The following HSD17B12 variants were observed in gnomAD, a reference collection of about 807,000 sequenced individuals.
The protein encoded by HSD17B12 is hydroxysteroid 17-beta dehydrogenase 12, also known as very-long-chain 3-oxoacyl-CoA reductase.
Under a neutral mutation model 39.3 loss-of-function variants are expected in HSD17B12, and 32 were observed. The observed-to-expected ratio is 0.81, with a 90% CI of 0.61 to 1.09. The LOEUF (loss-of-function observed/expected upper bound fraction) is 1.09, where lower values mean the gene tolerates loss of function less well. Among genes scored for constraint, HSD17B12 ranks in the 50% least tolerant of loss-of-function variants. The probability of loss-of-function intolerance (pLI) is 0.00; values close to 1 mark genes in which losing one functional copy is unlikely to be tolerated. For missense variants in HSD17B12, 342 were observed against 382.9 expected (o/e 0.89, Z 0.89); for synonymous variants, 150 against 146.7 (o/e 1.02, Z -0.16).
At chr11:43,684,557 A>G (rs747449444) in intron 1 of HSD17B12, among the ~76,000 whole-genome samples, 3 of 152,244 alleles carry the variant, frequency 2.0e-5, no homozygotes, top group Non-Finnish European at 4.4e-5. Flanking sequence ...TCCAATGTCA[A>G]GATATTTTAT....
At chr11:43,629,758 G>C in the HSD17B12 span, among the ~76,000 whole-genome samples, 1 of 152,312 alleles carries the variant, frequency 6.6e-6, no homozygotes, top group Admixed American at 6.5e-5. Flanking sequence ...TCCAGCCACA[G>C]CAAAACCTGA....
chr11:43,634,840 A>G, the HSD17B12 span, among the ~76,000 whole-genome samples: 1 of 152,206 alleles, frequency 6.6e-6, no homozygotes, highest in African/African-American at 2.4e-5. Flanking sequence ...CTATTTAAGA[A>G]CGCGTGTGTA....
chr11:43,754,034 T>A lies in HSD17B12; in HGVS notation c.208-12T>A, dbSNP rs1173946840. Reference sequence around the variant, plus strand: ...TGCACAGGTGTGATTCAAATCTCCTTTACTGTTTCAGTTAGCAAAGCATGG... The same window carrying A: ...TGCACAGGTGTGATTCAAATCTCCTATACTGTTTCAGTTAGCAAAGCATGG... On this transcript the variant is annotated splice_polypyrimidine_tract_variant and intron_variant, in intron 2 of 10. Transcript: ENST00000278353. The A allele has an allele frequency of 1.9e-6, 3 of 1,595,574 alleles. No homozygotes were observed. In the South Asian group the frequency reaches 3.3e-5, roughly 18 times the overall value.
chr11:43,653,238 A>G, the HSD17B12 span, among the ~76,000 whole-genome samples: 1 of 152,180 alleles, frequency 6.6e-6, no homozygotes, highest in Non-Finnish European at 1.5e-5. Context: ...GAACAGTTGG[A>G]TATCCATATG....
intron 3 of HSD17B12, among the ~76,000 whole-genome samples, chr11:43,790,352 T>G (rs1358553665): frequency 1.3e-5 from 2 of 152,128 alleles, no homozygotes; most frequent in African/African-American, 4.8e-5. Context: ...AGGTAAGAGT[T>G]AAGAATACAG....
chr11:43,822,475 C>G (rs183887497), intron 6 of HSD17B12, among the ~76,000 whole-genome samples: 86 of 152,274 alleles, frequency 5.6e-4, no homozygotes, highest in Middle Eastern at 3.4e-3. Flanking sequence ...AATGCTATCC[C>G]TCCCCACTTT....
At position 43,688,791 on chromosome 11, in the gene HSD17B12, A is replaced by T. The variant is rs183017547; in HGVS notation, c.160+7804A>T. Among the ~76,000 whole-genome samples the T allele has an allele frequency of 2.5e-3, 379 of 152,342 alleles. 3 individuals carry two copies. The highest frequency in any genetic ancestry group is 0.01 in the Middle Eastern group (3 of 294). On this transcript the variant is annotated intron_variant, in intron 1 of 10. Coordinates refer to ENST00000278353, the MANE Select transcript of HSD17B12 (RefSeq NM_016142.3). The stretch of plus-strand genomic sequence containing the variant: ...AAGCTGGTTGACCTTAGGCAAAAAT[A>T]GTTAACCTCTGAGCATAACTTCTTT...
chr11:43,680,690 G>A (rs1041948971), upstream of HSD17B12: 55 of 767,862 alleles, frequency 7.2e-5, no homozygotes, highest in Admixed American at 1.6e-4. Flanking sequence ...ATATGGCCCC[G>A]CGGGCGGGGT....
chr11:43,715,680 G>C (rs942652730), intron 1 of HSD17B12, among the ~76,000 whole-genome samples: 1 of 152,108 alleles, frequency 6.6e-6, no homozygotes, highest in Non-Finnish European at 1.5e-5. Context: ...CTATTGATTG[G>C]AATAGTTTCA....
intron 1 of HSD17B12, among the ~76,000 whole-genome samples, chr11:43,731,159 G>A (rs1395459629): frequency 6.6e-6 from 1 of 152,074 alleles, no homozygotes; most frequent in African/African-American, 2.4e-5. Context: ...ACCCCGCCCA[G>A]CTGATATTTG....
the HSD17B12 span, among the ~76,000 whole-genome samples, chr11:43,616,109 T>A: frequency 6.6e-6 from 1 of 152,152 alleles, no homozygotes; most frequent in Non-Finnish European, 1.5e-5. Context: ...CTTTACTTTT[T>A]AAAATTATAT....
the HSD17B12 span, among the ~76,000 whole-genome samples, chr11:43,675,609 T>TA: frequency 1.3e-3 from 183 of 144,178 alleles, no homozygotes; most frequent in East Asian, 3.0e-3. Flanking sequence ...CTAATTTACT[T>TA]AAAAAAAAAA....
chr11:43,637,179 G>A, the HSD17B12 span, among the ~76,000 whole-genome samples: 1 of 150,178 alleles, frequency 6.7e-6, no homozygotes, highest in Non-Finnish European at 1.5e-5. Flanking sequence ...TGAGACTGAT[G>A]ATGGTAGTGA....
chr11:43,558,805 G>A, the HSD17B12 span, among the ~76,000 whole-genome samples: 1 of 152,094 alleles, frequency 6.6e-6, no homozygotes, highest in Non-Finnish European at 1.5e-5. Context: ...AACATGAGAA[G>A]GGAATCGTTT....
upstream of HSD17B12, among the ~76,000 whole-genome samples, chr11:43,677,162 A>G (rs1057258616): frequency 6.6e-6 from 1 of 152,210 alleles, no homozygotes; most frequent in Non-Finnish European, 1.5e-5. Context: ...TTAATCTGAT[A>G]AGAGAATGGA....
upstream of HSD17B12, chr11:43,680,571 C>G (rs1045874911): frequency 6.0e-6 from 3 of 501,978 alleles, no homozygotes; most frequent in African/African-American, 4.0e-5. Context: ...GGCGGAACCC[C>G]GGGGGACGCG....
At chr11:43,559,129 G>A in the HSD17B12 span, among the ~76,000 whole-genome samples, 8 of 152,124 alleles carry the variant, frequency 5.3e-5, no homozygotes, top group African/African-American at 9.7e-5. Context: ...TCCACAGCCC[G>A]GAAAGCATCA....
the HSD17B12 span, among the ~76,000 whole-genome samples, chr11:43,630,747 T>A: frequency 6.6e-6 from 1 of 152,156 alleles, no homozygotes; most frequent in African/African-American, 2.4e-5. Context: ...ATTAATATTC[T>A]TCTATTGAAA....
the HSD17B12 span, among the ~76,000 whole-genome samples, chr11:43,606,434 T>A: frequency 2.0e-5 from 3 of 152,232 alleles, no homozygotes; most frequent in East Asian, 3.8e-4. Flanking sequence ...TAGCTGAGGA[T>A]CTCAGGGGAA....
Sources: allele counts gnomAD v4.1 joint callset (sites outside exome capture counted in the v4.1 genomes callset), GRCh38; gene constraint gnomAD v4.1.1; transcripts MANE v1.5; gene names NCBI Gene and HGNC (gene_info 2026-07-23, HGNC 2026-07-21).